RAPGEF6: variants seen among roughly 807,000 people sequenced by gnomAD.
RAPGEF6 encodes the protein PDZ domain containing guanine nucleotide exchange factor (GEF) 2.
Under a neutral mutation model 171.4 loss-of-function variants are expected in RAPGEF6, and 56 were observed. That is an observed-to-expected ratio of 0.33 (90% confidence interval 0.26 to 0.41). The LOEUF is 0.41. RAPGEF6 is among the 10% of genes least tolerant of loss of function. The pLI is 1.00. For synonymous variants in RAPGEF6, 692 were observed against 650.1 expected (o/e 1.06, Z -0.98); for missense variants, 1,674 against 1,921.4 (o/e 0.87, Z 2.41).
chr5:131,579,638 G>A (rs2149989933), intron 4 of RAPGEF6, among the ~76,000 whole-genome samples: 1 of 152,268 alleles, frequency 6.6e-6, no homozygotes, highest in African/African-American at 2.4e-5. Context: ...CAAACCTTGA[G>A]CTAGACACAG....
intron 21 of RAPGEF6, among the ~76,000 whole-genome samples, chr5:131,448,218 G>A (rs990902282): frequency 6.6e-6 from 1 of 152,118 alleles, no homozygotes; most frequent in East Asian, 1.9e-4. Context: ...AAATCCAGAA[G>A]CTAATGACTC....
At chr5:131,473,558 T>A (rs1351107469) in intron 16 of RAPGEF6, among the ~76,000 whole-genome samples, 2 of 152,162 alleles carry the variant, frequency 1.3e-5, no homozygotes. Flanking sequence ...TCCATCAACA[T>A]CAATAACCAA....
intron 15 of RAPGEF6, among the ~76,000 whole-genome samples, chr5:131,488,455 A>C (rs1746176971): frequency 6.6e-6 from 1 of 152,166 alleles, no homozygotes; most frequent in Admixed American, 6.5e-5. Flanking sequence ...TCGAAACTGG[A>C]AATCTCTTTC....
At chr5:131,619,144 CAG>C (rs1765454473) in intron 1 of RAPGEF6, among the ~76,000 whole-genome samples, 1 of 151,542 alleles carries the variant, frequency 6.6e-6, no homozygotes, top group African/African-American at 2.4e-5. Context: ...AAAAATGAAA[CAG>C]AGGTGTGAGA....
intron 4 of RAPGEF6, among the ~76,000 whole-genome samples, chr5:131,568,945 A>T (rs140645191): frequency 1.6e-4 from 25 of 152,348 alleles, no homozygotes; most frequent in African/African-American, 5.5e-4. Flanking sequence ...ACTAGCAATG[A>T]ATAATATGAA....
intron 7 of RAPGEF6, among the ~76,000 whole-genome samples, chr5:131,514,884 C>A (rs1457001365): frequency 6.6e-6 from 1 of 152,076 alleles, no homozygotes; most frequent in Non-Finnish European, 1.5e-5. Flanking sequence ...ACATATCAGA[C>A]CCTTAATTAT....
chr5:131,635,181 A>C lies in RAPGEF6; in HGVS notation c.-151T>G. ...GAACTCTAGCAAACAACCCTTCGCA[A>C]CGCCCGCCTAAGGCCTCTACCCACG... On this transcript the variant is annotated 5_prime_UTR_variant, in exon 1 of 28. Transcript: ENST00000509018. 6.4e-6 allele frequency: 5 copies of C among 785,502 alleles called. No individual in the cohort carries two copies. The highest frequency in any genetic ancestry group is 9.8e-6 in the Non-Finnish European group (5 of 511,908). The allele number at this position is 785,502 out of a possible 1,614,324, so 48.7% of individuals were successfully genotyped here.
chr5:131,574,005 G>A (rs1015757492), intron 4 of RAPGEF6, among the ~76,000 whole-genome samples: 3 of 152,142 alleles, frequency 2.0e-5, no homozygotes. Context: ...AAGCAGCAGC[G>A]TATCTCTAAA....
chr5:131,462,343 ACTAT>A (rs1753995897), intron 18 of RAPGEF6, among the ~76,000 whole-genome samples: 1 of 152,218 alleles, frequency 6.6e-6, no homozygotes, highest in African/African-American at 2.4e-5. Flanking sequence ...ATTTTATGAA[ACTAT>A]CTGTCAGATA....
At position 131,436,476 on chromosome 5, in the gene RAPGEF6, A is replaced by G. The variant is rs1042550846; in HGVS notation, c.3746-2818T>C. The G allele has an allele frequency of 1.6e-5, 19 of 1,154,460 alleles. No individual in the cohort carries two copies. In the East Asian group the frequency reaches 3.6e-4, roughly 22 times the overall value. 71.5% of individuals were successfully genotyped at this position (1,154,460 alleles called of 1,614,324 possible). On this transcript the variant is annotated intron_variant, in intron 24 of 27. Transcript: ENST00000509018. Reference sequence around the variant, plus strand: ...ATTTAAAAATTCTAACATCTTGATAATATCTGAAAAATTGAAATCTAGCAA... The same window carrying G: ...ATTTAAAAATTCTAACATCTTGATAGTATCTGAAAAATTGAAATCTAGCAA...
At chr5:131,460,357 A>G (rs1753829969) in intron 19 of RAPGEF6, among the ~76,000 whole-genome samples, 1 of 152,140 alleles carries the variant, frequency 6.6e-6, no homozygotes, top group Non-Finnish European at 1.5e-5. Flanking sequence ...ACACTGAGTC[A>G]TCATACTAAG....
At chr5:131,571,771 AT>A (rs1437327598) in intron 4 of RAPGEF6, among the ~76,000 whole-genome samples, 1 of 152,060 alleles carries the variant, frequency 6.6e-6, no homozygotes, top group Non-Finnish European at 1.5e-5. Flanking sequence ...AACCAAAACA[AT>A]TTTTACGAAG....
intron 22 of RAPGEF6, 116 bp from the exon 23 acceptor site, chr5:131,442,653 G>T (rs1752460823): frequency 1.4e-6 from 2 of 1,412,574 alleles, no homozygotes; most frequent in African/African-American, 2.9e-5. Flanking sequence ...AGATAAAATA[G>T]ATTAATTTTT....
chr5:131,560,680 T>C (rs375444238), intron 5 of RAPGEF6, among the ~76,000 whole-genome samples: 1 of 152,168 alleles, frequency 6.6e-6, no homozygotes, highest in Non-Finnish European at 1.5e-5. Context: ...TTGAAAAAAC[T>C]TGAATTCAAG....
intron 6 of RAPGEF6, among the ~76,000 whole-genome samples, chr5:131,546,497 G>C (rs1760543705): frequency 6.6e-6 from 1 of 151,972 alleles, no homozygotes; most frequent in African/African-American, 2.4e-5. Flanking sequence ...CCAGCTACTA[G>C]GGAGGCTGAG....
chr5:131,479,893 A>G, intron 15 of RAPGEF6, 140 bp from the exon 16 acceptor site: 1 of 830,966 alleles, frequency 1.2e-6, no homozygotes, highest in Non-Finnish European at 1.8e-6. Context: ...ACTGTCAAGT[A>G]TTTACCCGTC....
intron 24 of RAPGEF6, 72 bp from the exon 25 acceptor site, chr5:131,433,730 TG>T (rs1410035184): frequency 5.4e-6 from 6 of 1,120,678 alleles, no homozygotes; most frequent in African/African-American, 4.9e-5. Context: ...GGGGAAAGGA[TG>T]AAAAAAAAAA....
chr5:131,629,054 A>T (rs959663608), intron 1 of RAPGEF6, among the ~76,000 whole-genome samples: 2 of 152,192 alleles, frequency 1.3e-5, no homozygotes, highest in Non-Finnish European at 2.9e-5. Context: ...AAAAGTTTCA[A>T]CCTTCAAGTC....
rs1237142719 is a variant in RAPGEF6, at chr5:131,629,405, G to A, written c.69+5557C>T. Among the ~76,000 whole-genome samples, 9 of 152,202 alleles carry A rather than the reference G, an allele frequency of 5.9e-5. 1 individual carries two copies. The East Asian group carries it at 1.2e-3, about 20-fold the overall frequency. On this transcript the variant is annotated intron_variant, in intron 1 of 27. Coordinates refer to ENST00000509018, the MANE Select transcript of RAPGEF6 (RefSeq NM_016340.6). ...GAGGTTGAATCCAACCTTTATGAAT[G>A]ACTTTGAAGGGTACAACACTTCAGT...
Sources: gnomAD v4.1 joint callset for allele counts (sites outside exome capture counted in the v4.1 genomes callset) on GRCh38, gnomAD v4.1.1 for gene constraint, MANE v1.5 for transcripts, NCBI Gene and HGNC (gene_info 2026-07-23, HGNC 2026-07-21) for gene names.